CLCN7: variants seen among roughly 807,000 people sequenced by gnomAD.
CLCN7 encodes H(+)/Cl(-) exchange transporter 7.
A neutral mutation model predicts 102.1 loss-of-function variants in CLCN7; 60 were observed. The observed-to-expected ratio is 0.59, with a 90% CI of 0.48 to 0.73. The LOEUF (loss-of-function observed/expected upper bound fraction) is 0.73, where lower values mean the gene tolerates loss of function less well. Ranked by LOEUF, CLCN7 falls within the 30% of genes least tolerant of loss-of-function variation. CLCN7 has a pLI of 0.00. For missense variants in CLCN7, 962 were observed against 1,125.7 expected (o/e 0.85, Z 2.08); for synonymous variants, 560 against 490.5 (o/e 1.14, Z -1.87).
chr16:1,460,623 C>T, intron 5 of CLCN7, 96 bp from the exon 6 acceptor site: 1 of 1,287,604 alleles, frequency 7.8e-7, no homozygotes, highest in Non-Finnish European at 1.1e-6. Flanking sequence ...AGATGCCACC[C>T]TGCTGGGTGG....
chr16:1,473,291 T>A (rs1370373932), intron 1 of CLCN7, among the ~76,000 whole-genome samples: 1 of 151,822 alleles, frequency 6.6e-6, no homozygotes, highest in African/African-American at 2.4e-5. Context: ...ACCTTCTTTG[T>A]CTGGTGCGTT....
At position 1,448,971 on chromosome 16, in the gene CLCN7, T is replaced by C; in HGVS notation, c.1792A>G (p.Ile598Val). Residue 598 changes from isoleucine (I) to valine (V), a missense_variant, in exon 19 of 25, where the codon ATT becomes GTT. By Grantham distance (29) the Ile-to-Val change is conservative. Around this residue, in one of 2 missense-constraint regions of CLCN7, gnomAD observed 799 missense variants for 988.0 expected, o/e 0.81. Transcript: ENST00000382745. The part of the protein sequence containing the change: ...MTAKIVGDVF[I>V]EGLYDMHIQL... ...GCTTCGAGGCCCTGGCGCACCTCAATGAAGACGTCGCCCACGATCTTGGCG... is the reference window on the plus strand; with the variant it reads ...GCTTCGAGGCCCTGGCGCACCTCAACGAAGACGTCGCCCACGATCTTGGCG... 6.2e-6 allele frequency: 10 copies of C among 1,612,574 alleles called. No individual in the cohort carries two copies. Among genetic ancestry groups the C allele is most frequent in the Non-Finnish European group, 8.5e-6 (10 of 1,180,002 alleles).
Position 1,465,255 on chromosome 16 carries a change from C to T in CLCN7, c.213+12G>A, listed in dbSNP as rs1360034883. On this transcript the variant is annotated intron_variant, in intron 2 of 24. Transcript: ENST00000382745. ...TAGCTCTGCGGGAGGACGGGGAACA[C>T]CCCCAACTCACCGGGTCCAAAAGTT... 6.2e-7 allele frequency: 1 copy of T among 1,611,620 alleles called. No homozygotes were observed. The highest frequency in any genetic ancestry group is 1.8e-4 in the Middle Eastern group (1 of 5,710).
intron 1 of CLCN7, chr16:1,472,480 C>G (rs1427237662): frequency 6.6e-6 from 1 of 152,194 alleles, no homozygotes; most frequent in Non-Finnish European, 1.5e-5. Context: ...ATCCACCTGC[C>G]TCGGCCTCCC....
At chr16:1,463,357 G>A (rs746390512) in intron 2 of CLCN7, among the ~76,000 whole-genome samples, 68 of 152,266 alleles carry the variant, frequency 4.5e-4, no homozygotes, top group Admixed American at 7.8e-4. Context: ...CAACCTGTGC[G>A]GGGTGTGATG....
At chr16:1,472,814 A>C in intron 1 of CLCN7, 1 of 115,846 alleles carries the variant, frequency 8.6e-6, no homozygotes, top group Non-Finnish European at 1.8e-5. Flanking sequence ...ACTACCTCGG[A>C]AAAAAAAAAA....
rs12597739 is a variant in CLCN7, at chr16:1,448,519, A to G, written c.1884-35T>C. 0.52 allele frequency: 832,113 copies of G among 1,603,316 alleles called. 219,157 individuals carry two copies. Among genetic ancestry groups the G allele is most frequent in the East Asian group, 0.79 (35,465 of 44,826 alleles). Reference sequence around the variant, plus strand: ...GAGCCCGGCCACACATGCCCGTCACACGCCACCAACTCCCACAGTTACCTC... The same window carrying G: ...GAGCCCGGCCACACATGCCCGTCACGCGCCACCAACTCCCACAGTTACCTC... On this transcript the variant is annotated intron_variant, in intron 20 of 24. Transcript: ENST00000382745.
At chr16:1,446,814 G>A in intron 24 of CLCN7, 97 bp from the exon 25 acceptor site, 1 of 1,215,294 alleles carries the variant, frequency 8.2e-7, no homozygotes, top group Non-Finnish European at 1.2e-6. Context: ...CACAGGCAGG[G>A]GGCCCTGGGG....
intron 9 of CLCN7, among the ~76,000 whole-genome samples, chr16:1,456,474 C>T (rs1270214123): frequency 6.6e-6 from 1 of 152,190 alleles, no homozygotes; most frequent in Non-Finnish European, 1.5e-5. Context: ...AAACCTCTAC[C>T]CTCTAACGAA....
In CLCN7 at chr16:1,454,418, G is replaced by A. The variant is rs140154323; in HGVS notation, c.1146C>T (p.Gly382=). 6.2e-5 allele frequency: 100 copies of A among 1,613,440 alleles called. No individual in the cohort carries two copies. Among genetic ancestry groups the A allele is most frequent in the Middle Eastern group, 1.6e-4 (1 of 6,074 alleles). ...IHEIPVFIAM[G]VVGGVLGAVF... ...GCTGGGAGAAGCCCTTACCCACCAC[G>A]CCCATGGCGATGAAGACCGGGATCT... is the stretch of plus-strand genomic sequence containing the variant. The change falls in exon 13 of 25, where the codon GGC becomes GGT. Residue 382 remains glycine, a synonymous_variant. Coordinates refer to ENST00000382745, the MANE Select transcript of CLCN7 (RefSeq NM_001287.6).
rs141991492 is a variant in CLCN7 at position 1,448,446 on chromosome 16, C to T, written c.1922G>A (p.Arg641His). The change falls in exon 21 of 25, where the codon CGT becomes CAT. Residue 641 changes from arginine (R) to histidine (H), a missense_variant. Around this residue, in one of 2 missense-constraint regions of CLCN7, gnomAD observed 799 missense variants for 988.0 expected, o/e 0.81. Coordinates refer to ENST00000382745, the MANE Select transcript of CLCN7 (RefSeq NM_001287.6). ...GTCCACAATGACGCCGACCTTCTCA[C>T]GCCGCCTCAGGCAGGTCACTGGTGT... ...MSTPVTCLRR[R>H]EKVGVIVDVL... 19 of 1,611,766 alleles carry T rather than the reference C, an allele frequency of 1.2e-5. No homozygotes were observed. Among genetic ancestry groups the T allele is most frequent in the East Asian group, 2.2e-5 (1 of 44,892 alleles).
intron 13 of CLCN7, 106 bp downstream of exon 13, chr16:1,454,299 GGGATGA>G: frequency 8.8e-7 from 1 of 1,132,956 alleles, no homozygotes; most frequent in Non-Finnish European, 1.3e-6. Flanking sequence ...GGGTGGCCCT[GGGATGA>G]GGGCAGGCTC....
At position 1,446,679 on chromosome 16, in the gene CLCN7, G is replaced by A. The variant is rs200936245; in HGVS notation, c.2370C>T (p.Tyr790=). The change falls in exon 25 of 25, where the codon TAC becomes TAT. Residue 790 remains tyrosine (Y), a synonymous_variant. Coordinates refer to ENST00000382745, the MANE Select transcript of CLCN7 (RefSeq NM_001287.6). ...GLVTRKDLAR[Y]RLGKRGLEEL... is the part of the protein sequence containing the mutation. ...CCTCCAAGCCTCTCTTTCCCAGGCG[G>A]TACCTGGCGAGGTCCTTCCTGGTCA... is the stretch of plus-strand genomic sequence containing the variant. 3.2e-5 allele frequency: 51 copies of A among 1,589,554 alleles called. No individual in the cohort carries two copies. The highest frequency in any genetic ancestry group is 8.7e-5 in the Admixed American group (5 of 57,790).
rs71391167 is a variant in CLCN7, at chr16:1,472,938, GT to G, written c.141+1895del. ...CATATCACCACACCTGGCTAATTTT[GT>G]TTTTTTTTTTTTGAGACAGGGTTTC... On this transcript the variant is annotated intron_variant, in intron 1 of 24. Coordinates refer to ENST00000382745, the MANE Select transcript of CLCN7 (RefSeq NM_001287.6). Among the ~76,000 whole-genome samples the G allele has an allele frequency of 1.3e-3, 180 of 136,456 alleles. 1 individual carries two copies. Among genetic ancestry groups the G allele is most frequent in the Middle Eastern group, 7.8e-3 (2 of 258 alleles). 89.5% of individuals were successfully genotyped at this position (136,456 alleles called of 152,430 possible).
intron 23 of CLCN7, 97 bp downstream of exon 23, chr16:1,447,295 C>A: frequency 3.0e-6 from 4 of 1,324,646 alleles, no homozygotes; most frequent in Non-Finnish European, 4.1e-6. Flanking sequence ...GTCCTCTCCG[C>A]TGTGGCCCCC....
At chr16:1,461,025 C>T (rs2038927940) in intron 4 of CLCN7, 77 bp from the exon 5 acceptor site, 15 of 1,555,100 alleles carry the variant, frequency 9.6e-6, no homozygotes, top group East Asian at 7.0e-5. Context: ...CCGCCCAGAC[C>T]GCCTGCAGGC....
At position 1,456,072 on chromosome 16, in the gene CLCN7, G is replaced by A. The variant is rs9925700; in HGVS notation, c.916+41C>T. 1.2e-3 allele frequency: 1,707 copies of A among 1,463,230 alleles called. 19 individuals are homozygous for A. In the African/African-American group the frequency reaches 0.021, roughly 18 times the overall value. 90.6% of individuals were successfully genotyped at this position (1,463,230 alleles called of 1,614,324 possible). A position where few individuals can be genotyped will look rare whatever the true frequency, so the allele number is the denominator to read the frequency against. ...AGGAGACCGTTCCTTCCAACACACA[G>A]GGCGAGGGCAAAGCATTGGACCCGG... On this transcript the variant is annotated intron_variant, in intron 10 of 24. Transcript: ENST00000382745.
In CLCN7 at chr16:1,451,607, C is replaced by T; in HGVS notation, c.1447+16G>A. ...CCTGATCCCAGGGCCTGCCCAGCGG[C>T]ACTGCCCACACACACCTGGCGGGTC... On this transcript the variant is annotated intron_variant, in intron 16 of 24. Transcript: ENST00000382745. The T allele has an allele frequency of 6.2e-7, 1 of 1,607,358 alleles. No individual in the cohort carries two copies. The highest frequency in any genetic ancestry group is 1.3e-5 in the African/African-American group (1 of 74,970).
chr16:1,448,185 A>T, intron 21 of CLCN7, 170 bp downstream of exon 21: 1 of 920,058 alleles, frequency 1.1e-6, no homozygotes, highest in South Asian at 1.6e-5. Flanking sequence ...CACCAGCCTC[A>T]GCGTCCACAC....
Sources: gnomAD v4.1 joint callset for allele counts (sites outside exome capture counted in the v4.1 genomes callset) on GRCh38, gnomAD v4.1.1 for gene constraint, gnomAD v4.1.1 regional missense constraint, MANE v1.5 for transcripts, NCBI Gene and HGNC (gene_info 2026-07-23, HGNC 2026-07-21) for gene names.